Variants in TECPR2 observed in about 807,000 individuals in gnomAD.
TECPR2 encodes the protein tectonin beta-propeller repeat containing 2, also known as tectonin beta-propeller repeat-containing protein 2.
TECPR2 carries 65 observed loss-of-function variants against 138.1 expected under a neutral mutation model. That is an observed-to-expected ratio of 0.47 (90% CI 0.39 to 0.58). The LOEUF is 0.58. TECPR2 is among the 20% of genes least tolerant of loss of function. The pLI, the probability that TECPR2 is intolerant of heterozygous loss-of-function variation, is 0.00. For synonymous variants in TECPR2, 746 were observed against 749.8 expected (o/e 0.99, Z 0.08); for missense variants, 1,553 against 1,824.5 (o/e 0.85, Z 2.71).
At chr14:102,490,623 G>T (rs1891135725) in intron 17 of TECPR2, among the ~76,000 whole-genome samples, 1 of 152,178 alleles carries the variant, frequency 6.6e-6, no homozygotes. Context: ...CTCCGCCCCG[G>T]CCTGGCGTCT....
At chr14:102,486,066 G>A (rs1567361645) in intron 17 of TECPR2, among the ~76,000 whole-genome samples, 1 of 152,224 alleles carries the variant, frequency 6.6e-6, no homozygotes, top group African/African-American at 2.4e-5. Flanking sequence ...TTTCTTTAGC[G>A]CACCCCCTAC....
chr14:102,410,830 C>G (rs892663643), intron 4 of TECPR2, among the ~76,000 whole-genome samples: 53 of 151,590 alleles, frequency 3.5e-4, no homozygotes, highest in African/African-American at 1.2e-3. Context: ...TCCAAGCCAT[C>G]GCAGCTGATA....
intron 16 of TECPR2, among the ~76,000 whole-genome samples, chr14:102,454,966 C>G (rs1297148678): frequency 1.3e-5 from 2 of 152,252 alleles, no homozygotes; most frequent in Admixed American, 1.3e-4. Flanking sequence ...TCATGCCTCC[C>G]TCCTGGCTCG....
chr14:102,497,005 C>A lies in TECPR2; in HGVS notation c.3816C>A (p.Val1272=). 6.2e-7 allele frequency: 1 copy of A among 1,614,068 alleles called. No homozygotes were observed. The highest frequency in any genetic ancestry group is 8.5e-7 in the Non-Finnish European group (1 of 1,180,006). Residue 1272 remains valine (V), a synonymous_variant, in exon 18 of 20, where the codon GTC becomes GTA. Coordinates refer to ENST00000359520, the MANE Select transcript of TECPR2 (RefSeq NM_014844.5). The stretch of plus-strand genomic sequence containing the variant: ...CCGCCGGGGTCAGCTTGGTCAGCGT[C>A]CATTCCAGCCCCAACGACCAGATGC... ...VQPAGVSLVS[V]HSSPNDQMLW...
At chr14:102,435,488 T>G (rs1289922634) in intron 9 of TECPR2, among the ~76,000 whole-genome samples, 1 of 152,196 alleles carries the variant, frequency 6.6e-6, no homozygotes, top group Non-Finnish European at 1.5e-5. Flanking sequence ...AAGTGCAGGC[T>G]GGTGTAGGCA....
chr14:102,469,875 AATATG>A (rs997038587), intron 17 of TECPR2, among the ~76,000 whole-genome samples: 3 of 152,074 alleles, frequency 2.0e-5, no homozygotes, highest in African/African-American at 7.2e-5. Context: ...TTCCTTTATT[AATATG>A]ATATATTATA....
At chr14:102,493,197 C>T (rs561174967) in intron 17 of TECPR2, among the ~76,000 whole-genome samples, 4 of 152,344 alleles carry the variant, frequency 2.6e-5, no homozygotes, top group Admixed American at 6.5e-5. Flanking sequence ...CAAACCACAG[C>T]GCGTCTCAGC....
At chr14:102,374,434 C>T (rs965208736) in intron 1 of TECPR2, among the ~76,000 whole-genome samples, 2 of 152,124 alleles carry the variant, frequency 1.3e-5, no homozygotes, top group Admixed American at 6.6e-5. Flanking sequence ...GTGACACAGT[C>T]ATAGCTCACT....
At chr14:102,457,670 C>A (rs1420190363) in intron 16 of TECPR2, among the ~76,000 whole-genome samples, 1 of 151,980 alleles carries the variant, frequency 6.6e-6, no homozygotes, top group African/African-American at 2.4e-5. Flanking sequence ...CTGCTTGAGG[C>A]CAGGAATTTA....
chr14:102,480,466 C>T (rs1280515632), intron 17 of TECPR2, among the ~76,000 whole-genome samples: 5 of 151,988 alleles, frequency 3.3e-5, no homozygotes, highest in African/African-American at 1.2e-4. Context: ...CCTTGTGATC[C>T]GCCTGCCTTG....
At chr14:102,465,503 G>C (rs1301499095) in intron 17 of TECPR2, 1 of 1,289,380 alleles carries the variant, frequency 7.8e-7, no homozygotes, top group Non-Finnish European at 9.8e-7. Flanking sequence ...TACAGATTAT[G>C]AGTCAACACG....
At chr14:102,416,697 C>G in intron 5 of TECPR2, among the ~76,000 whole-genome samples, 1 of 152,334 alleles carries the variant, frequency 6.6e-6, no homozygotes, top group South Asian at 2.1e-4. Context: ...TAAAACCTGG[C>G]CCTTGGCCGG....
rs775301208 is a variant in TECPR2 at position 102,431,998 on chromosome 14, C to G, written c.1287C>G (p.Ala429=). ...GSGLLPPGLQ[A]TPELGKGSQP... ...GGCTCCTGCCCCCTGGGCTCCAGGC[C>G]ACCCCTGAGCTGGGCAAGGGCAGCC... The change falls in exon 8 of 20, where the codon GCC becomes GCG. Residue 429 remains alanine (A), a synonymous_variant. Transcript: ENST00000359520. 2 of 1,612,900 alleles carry G rather than the reference C, an allele frequency of 1.2e-6. No individual in the cohort carries two copies. The highest frequency in any genetic ancestry group is 4.5e-5 in the East Asian group (2 of 44,880).
Position 102,412,737 on chromosome 14 carries a change from A to G in TECPR2, c.481-1899A>G, listed in dbSNP as rs187800085. Among the ~76,000 whole-genome samples the G allele has an allele frequency of 1.7e-3, 255 of 152,290 alleles. 3 individuals are homozygous for G. Among genetic ancestry groups the G allele is most frequent in the East Asian group, 5.8e-4 (3 of 5,178 alleles). On this transcript the variant is annotated intron_variant, in intron 4 of 19. Coordinates refer to ENST00000359520, the MANE Select transcript of TECPR2 (RefSeq NM_014844.5). ...AGCTCATAGCTGCAACAGTTGCACA[A>G]GTGGTTTCCTTGAGAGAACCACTGA...
At chr14:102,471,541 C>CAA (rs879723281) in intron 17 of TECPR2, among the ~76,000 whole-genome samples, 1 of 138,680 alleles carries the variant, frequency 7.2e-6, no homozygotes, top group Non-Finnish European at 1.6e-5. Flanking sequence ...TCATCTCTAC[C>CAA]AAAAAAAAAA....
chr14:102,388,685 G>A (rs1285810057), intron 2 of TECPR2, among the ~76,000 whole-genome samples: 7 of 151,000 alleles, frequency 4.6e-5, no homozygotes, highest in East Asian at 2.0e-4. Flanking sequence ...AAAAAAGGCC[G>A]GGTGCGGTGC....
At position 102,498,276 on chromosome 14, in the gene TECPR2, A is replaced by T. The variant is rs1891347218; in HGVS notation, c.*19A>T. 1.9e-6 allele frequency: 3 copies of T among 1,594,272 alleles called. No individual in the cohort carries two copies. In the East Asian group the frequency reaches 6.7e-5, roughly 36 times the overall value. ...CATCTGAAGGAGCCCTGGCCGAGTC[A>T]CGCGGAGGGGCCCGGCGTCTGTGGC... On this transcript the variant is annotated 3_prime_UTR_variant, in exon 20 of 20. Transcript: ENST00000359520.
chr14:102,468,972 A>G (rs935827329), intron 17 of TECPR2, among the ~76,000 whole-genome samples: 2 of 152,214 alleles, frequency 1.3e-5, no homozygotes, highest in East Asian at 3.8e-4. Flanking sequence ...CTGTGTATCT[A>G]TCCTTAAACT....
intron 14 of TECPR2, 39 bp downstream of exon 14, chr14:102,449,908 G>A (rs780446745): frequency 1.2e-6 from 2 of 1,601,766 alleles, no homozygotes; most frequent in Non-Finnish European, 1.7e-6. Flanking sequence ...GGCTTTATAG[G>A]CAGCCTCACT....
Sources: gnomAD v4.1 joint callset for allele counts (sites outside exome capture counted in the v4.1 genomes callset) on GRCh38, gnomAD v4.1.1 for gene constraint, MANE v1.5 for transcripts, NCBI Gene and HGNC (gene_info 2026-07-23, HGNC 2026-07-21) for gene names.